Variants in MAPRE3 observed in about 807,000 individuals in gnomAD.
MAPRE3 encodes microtubule associated protein RP/EB family member 3, also known as microtubule-associated protein RP/EB family member 3.
In MAPRE3, 2 loss-of-function variants were observed where a neutral mutation model predicts 30.5. The ratio of observed to expected loss-of-function variants is 0.07; its 90% confidence interval spans 0.03 to 0.21. The LOEUF is 0.21. Ranked by LOEUF, MAPRE3 falls within the 10% of genes least tolerant of loss-of-function variation. The pLI is 1.00. For missense variants in MAPRE3, 204 were observed against 351.8 expected, an observed-to-expected ratio of 0.58 and a Z score of 3.36; for synonymous variants, 110 against 127.7, an observed-to-expected ratio of 0.86 and a Z score of 0.93.
In MAPRE3 at chr2:27,026,498, C is replaced by T. The variant is rs888408525; in HGVS notation, c.*150C>T. On this transcript the variant is annotated 3_prime_UTR_variant, in exon 7 of 7. Transcript: ENST00000233121. ...GAGCCAGGCGAGGGGGGCTTGGGGGCATGGGGCCGGAAAGCAGGCAGAAGC... is the reference window on the plus strand; with the variant it reads ...GAGCCAGGCGAGGGGGGCTTGGGGGTATGGGGCCGGAAAGCAGGCAGAAGC... 9.2e-6 allele frequency: 6 copies of T among 648,926 alleles called. No homozygotes were observed. The highest frequency in any genetic ancestry group is 1.5e-5 in the Non-Finnish European group (6 of 392,400). 40.2% of individuals were successfully genotyped at this position (648,926 alleles called of 1,614,324 possible). A position where few individuals can be genotyped will look rare whatever the true frequency, so the allele number is the denominator to read the frequency against.
chr2:27,007,168 C>T (rs962557059), intron 1 of MAPRE3, among the ~76,000 whole-genome samples: 4 of 152,156 alleles, frequency 2.6e-5, no homozygotes, highest in Admixed American at 1.3e-4. Flanking sequence ...TGAGTCATAA[C>T]ACCAAAGGTT....
intron 3 of MAPRE3, chr2:27,023,739 G>C (rs367871899): frequency 3.8e-6 from 2 of 520,436 alleles, no homozygotes; most frequent in Non-Finnish European, 7.0e-6. Context: ...TCTGTGCACC[G>C]CTCCTGTGAA....
At position 27,025,726 on chromosome 2, in the gene MAPRE3, C is replaced by T; in HGVS notation, c.613C>T (p.Leu205Phe). The T allele has an allele frequency of 6.2e-7, 1 of 1,614,206 alleles. No homozygotes were observed. Among genetic ancestry groups the T allele is most frequent in the Non-Finnish European group, 8.5e-7 (1 of 1,180,022 alleles). The change falls in exon 5 of 7, where the codon CTC becomes TTC. Residue 205 changes from leucine to phenylalanine, a missense_variant. Around this residue, in one of 5 missense-constraint regions of MAPRE3, gnomAD observed 42 missense variants for 81.2 expected, o/e 0.52. Coordinates refer to ENST00000233121, the MANE Select transcript of MAPRE3 (RefSeq NM_012326.4). The part of the protein sequence containing the change: ...GHETDAQILE[L>F]NQQLVDLKLT... ...TGAGACTGATGCCCAAATTCTTGAACTCAACCAACAGGTGAGTGGGATGGG... is the reference window on the plus strand; with the variant it reads ...TGAGACTGATGCCCAAATTCTTGAATTCAACCAACAGGTGAGTGGGATGGG...
At chr2:27,026,254 A>G in intron 6 of MAPRE3, 26 bp from the exon 7 acceptor site, 1 of 1,601,854 alleles carries the variant, frequency 6.2e-7, no homozygotes, top group Non-Finnish European at 8.5e-7. Context: ...CTGGCCCACC[A>G]CTTTCCTCTC....
At chr2:26,975,591 G>A (rs1665999838) in intron 1 of MAPRE3, among the ~76,000 whole-genome samples, 1 of 152,206 alleles carries the variant, frequency 6.6e-6, no homozygotes, top group South Asian at 2.1e-4. Flanking sequence ...GTTTACCTCT[G>A]GGAGGTGGGA....
intron 1 of MAPRE3, among the ~76,000 whole-genome samples, chr2:26,983,363 C>CT (rs1666155775): frequency 6.6e-6 from 1 of 152,184 alleles, no homozygotes; most frequent in Non-Finnish European, 1.5e-5. Flanking sequence ...CCAAGTACTG[C>CT]TCTGCTTCCC....
At chr2:26,994,264 AT>A (rs1313936630) in intron 1 of MAPRE3, among the ~76,000 whole-genome samples, 2 of 152,238 alleles carry the variant, frequency 1.3e-5, no homozygotes, top group Non-Finnish European at 2.9e-5. Context: ...CAGAAAGTCA[AT>A]TTAATAAATA....
chr2:26,973,393 T>C (rs557963537), intron 1 of MAPRE3, among the ~76,000 whole-genome samples: 4 of 152,304 alleles, frequency 2.6e-5, no homozygotes, highest in Middle Eastern at 3.4e-3. Flanking sequence ...TAGGAGGCTA[T>C]TGAACGGAGG....
chr2:27,007,164 A>C (rs1015660623), intron 1 of MAPRE3, among the ~76,000 whole-genome samples: 2 of 152,240 alleles, frequency 1.3e-5, no homozygotes, highest in Admixed American at 1.3e-4. Flanking sequence ...AAGTTGAGTC[A>C]TAACACCAAA....
chr2:27,002,804 G>A (rs2148214099), intron 1 of MAPRE3: 1 of 152,400 alleles, frequency 6.6e-6, no homozygotes, highest in African/African-American at 2.4e-5. Context: ...CCACTGTGAA[G>A]TCATCATTTG....
chr2:27,015,657 T>C lies in MAPRE3; in HGVS notation c.-7-6555T>C, dbSNP rs1285117568. Among the ~76,000 whole-genome samples, 1 of 152,182 alleles carries C rather than the reference T, an allele frequency of 6.6e-6. No homozygotes were observed. Among genetic ancestry groups the C allele is most frequent in the Non-Finnish European group, 1.5e-5 (1 of 68,026 alleles). On this transcript the variant is annotated intron_variant, in intron 1 of 6. Transcript: ENST00000233121. This position sits in a 1 kb window ranked among gnomAD's most constrained non-coding sequence, Gnocchi z 4.0. ...AAGACTGAGGGCCCCTAAATTACCC[T>C]TAAGACATATTTGTGGAAGACAGAT...
At chr2:26,988,259 T>C (rs1439723843) in intron 1 of MAPRE3, among the ~76,000 whole-genome samples, 6 of 152,210 alleles carry the variant, frequency 3.9e-5, no homozygotes, top group Non-Finnish European at 7.3e-5. Context: ...ACAAGGACAT[T>C]CCAGCATCTC....
In MAPRE3 at chr2:27,024,183, T is replaced by C. The variant is rs201632549; in HGVS notation, c.355T>C (p.Tyr119His). Residue 119 changes from tyrosine (Y) to histidine (H), a missense_variant, in exon 4 of 7, where the codon TAT becomes CAT. This residue lies in a region of MAPRE3 where 101 missense variants were observed against 205.4 expected (regional missense o/e 0.49). Coordinates refer to ENST00000233121, the MANE Select transcript of MAPRE3 (RefSeq NM_012326.4). ...GTTTAAGAAATTCTTTGACGCAAACTATGATGGAAAGGATTACAACCCTCT... is the reference window on the plus strand; with the variant it reads ...GTTTAAGAAATTCTTTGACGCAAACCATGATGGAAAGGATTACAACCCTCT... ...QWFKKFFDAN[Y>H]DGKDYNPLLA... The C allele has an allele frequency of 6.2e-7, 1 of 1,614,242 alleles. No individual in the cohort carries two copies. Among genetic ancestry groups the C allele is most frequent in the East Asian group, 2.2e-5 (1 of 44,892 alleles).
intron 1 of MAPRE3, chr2:27,012,013 GC>G (rs1425179076): frequency 6.6e-6 from 1 of 151,784 alleles, no homozygotes; most frequent in Non-Finnish European, 1.5e-5. Flanking sequence ...TTTGAGACCA[GC>G]CTGGCCAATA....
chr2:27,012,568 G>A (rs1261751342), intron 1 of MAPRE3: 1 of 152,576 alleles, frequency 6.6e-6, no homozygotes, highest in Non-Finnish European at 1.5e-5. Context: ...GGGCAGGAGA[G>A]AAGCTATCTG....
chr2:27,015,905 G>A lies in MAPRE3; in HGVS notation c.-7-6307G>A, dbSNP rs1037059161. 3.9e-5 allele frequency among the ~76,000 whole-genome samples: 6 copies of A among 152,142 alleles called. No homozygotes were observed. The highest frequency in any genetic ancestry group is 3.3e-4 in the Admixed American group (5 of 15,276). ...ATTTGGTCTTGATGACCATTTTTAAGGCCTCAGTCTGCAGAATGACCAGCA... is the reference window on the plus strand; with the variant it reads ...ATTTGGTCTTGATGACCATTTTTAAAGCCTCAGTCTGCAGAATGACCAGCA... On this transcript the variant is annotated intron_variant, in intron 1 of 6. Transcript: ENST00000233121. This position sits in a 1 kb window ranked among gnomAD's most constrained non-coding sequence, Gnocchi z 4.0.
intron 1 of MAPRE3, among the ~76,000 whole-genome samples, chr2:26,977,794 A>G (rs2148196403): frequency 6.6e-6 from 1 of 151,984 alleles, no homozygotes; most frequent in Non-Finnish European, 1.5e-5. Context: ...TTTCCCATCC[A>G]CACACACACA....
intron 1 of MAPRE3, among the ~76,000 whole-genome samples, chr2:26,982,505 A>G (rs1440863591): frequency 6.6e-6 from 1 of 152,236 alleles, no homozygotes; most frequent in African/African-American, 2.4e-5. Flanking sequence ...GCTCCCTGCC[A>G]GTCCCTACCA....
chr2:26,974,450 C>A (rs990562924), intron 1 of MAPRE3, among the ~76,000 whole-genome samples: 1 of 152,132 alleles, frequency 6.6e-6, no homozygotes, highest in Non-Finnish European at 1.5e-5. Context: ...TATTTGAAGT[C>A]TTTTCTACTT....
Sources: allele counts gnomAD v4.1 joint callset (sites outside exome capture counted in the v4.1 genomes callset), GRCh38; gene constraint gnomAD v4.1.1; regional missense constraint gnomAD v4.1.1; non-coding constraint Gnocchi (gnomAD v3.1); transcripts MANE v1.5; gene names NCBI Gene and HGNC (gene_info 2026-07-23, HGNC 2026-07-21).